Variants in ZNF735 observed in about 807,000 individuals in gnomAD.
ZNF735 encodes the protein zinc finger protein 735, also known as putative zinc finger protein 735.
A neutral mutation model predicts 13.4 loss-of-function variants in ZNF735; 11 were observed. That is an observed-to-expected ratio of 0.82 (90% confidence interval 0.52 to 1.36). The LOEUF (loss-of-function observed/expected upper bound fraction) is 1.36. Ranked by LOEUF, ZNF735 falls within the 40% of genes most tolerant of loss-of-function variation. The pLI is 0.00. For missense variants in ZNF735, 500 were observed against 484.6 expected (o/e 1.03, Z -0.30); for synonymous variants, 171 against 162.6 (o/e 1.05, Z -0.39).
intron 1 of ZNF735, among the ~76,000 whole-genome samples, chr7:64,211,902 TA>T (rs1301042424): frequency 1.3e-4 from 19 of 148,784 alleles, no homozygotes; most frequent in Non-Finnish European, 2.1e-4. Flanking sequence ...TATATATATA[TA>T]TATATTTATT....
rs1584214681 is a variant in ZNF735, at chr7:64,214,822, C to T, written c.262+714C>T. 2.0e-5 allele frequency among the ~76,000 whole-genome samples: 3 copies of T among 151,534 alleles called. No homozygotes were observed. The South Asian group carries it at 6.3e-4, about 32-fold the overall frequency. The stretch of plus-strand genomic sequence containing the variant: ...TTCATGATATTTTTTATGATGGCTG[C>T]ATCTTTTTTCTCATCAATAACTTTC... On this transcript the variant is annotated intron_variant, in intron 3 of 3. Transcript: ENST00000429565.
chr7:64,217,618 A>G (rs1787437883), intron 3 of ZNF735, among the ~76,000 whole-genome samples: 1 of 152,048 alleles, frequency 6.6e-6, no homozygotes, highest in South Asian at 2.1e-4. Context: ...TTATATATGC[A>G]TATGCATATA....
At chr7:64,213,592 A>G (rs759368705) in intron 2 of ZNF735, among the ~76,000 whole-genome samples, 4 of 152,166 alleles carry the variant, frequency 2.6e-5, no homozygotes, top group Non-Finnish European at 5.9e-5. Context: ...GTTACAAATA[A>G]TATTAATTTT....
chr7:64,207,381 G>A, intron 1 of ZNF735, 140 bp downstream of exon 1: 1 of 1,523,912 alleles, frequency 6.6e-7, no homozygotes, highest in Non-Finnish European at 9.0e-7. Context: ...CAGTTCGGCT[G>A]TTAGCCCCCT....
intron 1 of ZNF735, among the ~76,000 whole-genome samples, chr7:64,209,597 T>G (rs564280125): frequency 1.3e-5 from 2 of 152,324 alleles, no homozygotes; most frequent in African/African-American, 4.8e-5. Context: ...AGTGCTGGGA[T>G]TCCAGGAGTG....
chr7:64,219,914 A>G (rs1247301513), exon 4 of ZNF735: 23 of 1,613,882 alleles, frequency 1.4e-5, no homozygotes, highest in Non-Finnish European at 1.9e-5. Context: ...ACTAACCACA[A>G]GAGAATTCAT....
At position 64,213,225 on chromosome 7, in the gene ZNF735, T is replaced by C. The variant is rs113133873; in HGVS notation, c.166+7T>C. ...AGAAACCTGTTCTCCCTGGGTGAGG[T>C]TAACCTCAATACATAATTCCTAATA... On this transcript the variant is annotated splice_region_variant and intron_variant, in intron 2 of 3. Coordinates refer to ENST00000429565, the Ensembl canonical transcript of ZNF735. The C allele has an allele frequency of 1.1e-5, 18 of 1,589,790 alleles. No individual in the cohort carries two copies. The highest frequency in any genetic ancestry group is 1.5e-5 in the Non-Finnish European group (17 of 1,172,342).
chr7:64,216,426 T>A (rs1482814828), intron 3 of ZNF735, among the ~76,000 whole-genome samples: 3 of 152,232 alleles, frequency 2.0e-5, no homozygotes, highest in Non-Finnish European at 4.4e-5. Context: ...CACTTAAATA[T>A]GTTGAGCCTT....
At chr7:64,207,333 T>C in intron 1 of ZNF735, 92 bp downstream of exon 1, 2 of 1,612,062 alleles carry the variant, frequency 1.2e-6, no homozygotes, top group Non-Finnish European at 1.7e-6. Flanking sequence ...TTCCTCGCAG[T>C]CAGCTCCGGA....
At chr7:64,213,289 T>C in intron 2 of ZNF735, 71 bp downstream of exon 2, 2 of 1,460,410 alleles carry the variant, frequency 1.4e-6, no homozygotes, top group Non-Finnish European at 9.2e-7. Flanking sequence ...TTTTGGTAAT[T>C]TCTGCTTTGC....
At chr7:64,218,080 C>T (rs370491944) in intron 3 of ZNF735, among the ~76,000 whole-genome samples, 39 of 152,134 alleles carry the variant, frequency 2.6e-4, no homozygotes, top group South Asian at 1.7e-3. Context: ...AGTGGAAAGA[C>T]CTCTTTTCAG....
At chr7:64,217,557 T>A (rs1314676452) in intron 3 of ZNF735, among the ~76,000 whole-genome samples, 1 of 152,092 alleles carries the variant, frequency 6.6e-6, no homozygotes. Context: ...CTATTTTATT[T>A]CTTGCTTCAT....
intron 1 of ZNF735, among the ~76,000 whole-genome samples, chr7:64,212,172 CT>C (rs1787368446): frequency 6.6e-6 from 1 of 152,106 alleles, no homozygotes; most frequent in Non-Finnish European, 1.5e-5. Flanking sequence ...GCTGTCCTTT[CT>C]TTTTAGATGA....
chr7:64,217,314 G>A (rs1243324317), intron 3 of ZNF735, among the ~76,000 whole-genome samples: 1 of 152,202 alleles, frequency 6.6e-6, no homozygotes, highest in Non-Finnish European at 1.5e-5. Context: ...ACCAGAAACA[G>A]ATGCTGGCAT....
Position 64,214,145 on chromosome 7 carries a change from G to A in ZNF735, c.262+37G>A, listed in dbSNP as rs760244372. The A allele has an allele frequency of 5.0e-6, 8 of 1,591,012 alleles. No homozygotes were observed. The African/African-American group carries it at 1.1e-4, about 21-fold the overall frequency. ...CAAATGAAGCAGATGACACGGATGAGATGTCCACAAGTCAAGGAGGTAGCC... is the reference window on the plus strand; with the variant it reads ...CAAATGAAGCAGATGACACGGATGAAATGTCCACAAGTCAAGGAGGTAGCC... On this transcript the variant is annotated intron_variant, in intron 3 of 3. Transcript: ENST00000429565.
chr7:64,212,857 A>G (rs1010900952), intron 1 of ZNF735, among the ~76,000 whole-genome samples: 3 of 152,026 alleles, frequency 2.0e-5, no homozygotes, highest in Admixed American at 6.6e-5. Context: ...TTTATAATTT[A>G]TCATCCAGAA....
At chr7:64,212,235 G>A (rs185130820) in intron 1 of ZNF735, among the ~76,000 whole-genome samples, 2 of 152,232 alleles carry the variant, frequency 1.3e-5, no homozygotes, top group African/African-American at 4.8e-5. Context: ...TTTATTTACA[G>A]GTGAGAGAAA....
intron 1 of ZNF735, 126 bp downstream of exon 1, chr7:64,207,367 G>T (rs1252515113): frequency 6.4e-7 from 1 of 1,569,930 alleles, no homozygotes; most frequent in East Asian, 2.3e-5. Context: ...AATCCTCCTT[G>T]GCCCAGTTCG....
At chr7:64,219,982 G>A (rs1411742861) in exon 4 of ZNF735, 2 of 1,608,804 alleles carry the variant, frequency 1.2e-6, no homozygotes, top group South Asian at 1.1e-5. Flanking sequence ...CGTATCCTCA[G>A]CCCTCATTTA....
Sources: allele counts gnomAD v4.1 joint callset (sites outside exome capture counted in the v4.1 genomes callset), GRCh38; gene constraint gnomAD v4.1.1; transcripts MANE v1.5; gene names NCBI Gene and HGNC (gene_info 2026-07-23, HGNC 2026-07-21).